VPREB1: variants seen among roughly 807,000 people sequenced by gnomAD.
VPREB1 encodes V-set pre-B cell surrogate light chain 1, also known as immunoglobulin iota chain.
In VPREB1, 17 loss-of-function variants were observed where a neutral mutation model predicts 13.6. The observed-to-expected ratio is 1.25, with a 90% CI of 0.86 to 1.88. The LOEUF (loss-of-function observed/expected upper bound fraction) is 1.88, where lower values mean the gene tolerates loss of function less well. Among genes scored for constraint, VPREB1 ranks in the 40% most tolerant of loss-of-function variants. VPREB1 has a pLI of 0.00. For missense variants in VPREB1, 183 were observed against 190.1 expected (o/e 0.96, Z 0.22); for synonymous variants, 86 against 73.9 (o/e 1.16, Z -0.84).
Position 22,244,804 on chromosome 22 carries a change from T to TGC in VPREB1, c.-9_-8insCG, listed in dbSNP as rs2088093923. On this transcript the variant is annotated 5_prime_UTR_variant, in exon 1 of 2. Transcript: ENST00000403807. ...TGGCCACAGGAGTCAGAGCTCTGCA[T>TGC]GTCTGCACCATGTCCTGGGCTCCTG... 1 of 1,613,744 alleles carries TGC rather than the reference T, an allele frequency of 6.2e-7. No individual in the cohort carries two copies. The highest frequency in any genetic ancestry group is 2.2e-5 in the East Asian group (1 of 44,846).
chr22:22,245,512 C>T lies in VPREB1; in HGVS notation c.*175C>T. On this transcript the variant is annotated 3_prime_UTR_variant, in exon 2 of 2. Coordinates refer to ENST00000403807, the MANE Select transcript of VPREB1 (RefSeq NM_007128.4). ...AATTAAAGCTGCTTGTCACTTTTTG[C>T]TGAGTTTGGTCTGACTGTTGTGCGA... is the stretch of plus-strand genomic sequence containing the variant. 1 of 816,416 alleles carries T rather than the reference C, an allele frequency of 1.2e-6. No individual in the cohort carries two copies. Among genetic ancestry groups the T allele is most frequent in the Non-Finnish European group, 1.7e-6 (1 of 584,096 alleles). 50.6% of individuals were successfully genotyped at this position (816,416 alleles called of 1,614,324 possible).
Position 22,245,383 on chromosome 22 carries a change from G to C in VPREB1, c.*46G>C, listed in dbSNP as rs925329158. ...GCATCCCCTTGGAGAGACTGTCATGGAAGAGGGTGGAGTCGCCGCCCGAAG... is the reference window on the plus strand; with the variant it reads ...GCATCCCCTTGGAGAGACTGTCATGCAAGAGGGTGGAGTCGCCGCCCGAAG... On this transcript the variant is annotated 3_prime_UTR_variant, in exon 2 of 2. Transcript: ENST00000403807. 8.5e-5 allele frequency: 122 copies of C among 1,428,492 alleles called. No homozygotes were observed. The highest frequency in any genetic ancestry group is 1.0e-4 in the Non-Finnish European group (115 of 1,095,556). The allele number at this position is 1,428,492 out of a possible 1,614,324, so 88.5% of individuals were successfully genotyped here.
Position 22,245,155 on chromosome 22 carries a change from C to G in VPREB1, c.256C>G (p.Arg86Gly). 6.2e-7 allele frequency: 1 copy of G among 1,605,704 alleles called. No homozygotes were observed. Among genetic ancestry groups the G allele is most frequent in the Non-Finnish European group, 8.5e-7 (1 of 1,175,790 alleles). The part of the protein sequence containing the change: ...DKSQGPQVPP[R>G]FSGSKDVARN... The stretch of plus-strand genomic sequence containing the variant: ...GAGCCAGGGCCCCCAGGTCCCCCCT[C>G]GCTTCTCTGGATCCAAAGATGTGGC... Residue 86 changes from arginine (R) to glycine (G), a missense_variant, in exon 2 of 2, where the codon CGC (arginine) becomes GGC (glycine). By Grantham distance (125) the Arg-to-Gly change is moderately radical. Coordinates refer to ENST00000403807, the MANE Select transcript of VPREB1 (RefSeq NM_007128.4).
Position 22,245,440 on chromosome 22 carries a change from T to C in VPREB1, c.*103T>C, listed in dbSNP as rs2088115821. On this transcript the variant is annotated 3_prime_UTR_variant, in exon 2 of 2. Transcript: ENST00000403807. ...GGAGGCTGAGCCACTCAGCATCTCC[T>C]GGTCCTGCAGTGTTGCTGTAAATCC... The C allele has an allele frequency of 7.7e-7, 1 of 1,303,830 alleles. No homozygotes were observed. Among genetic ancestry groups the C allele is most frequent in the African/African-American group, 1.5e-5 (1 of 66,894 alleles). The allele number at this position is 1,303,830 out of a possible 1,614,324, so 80.8% of individuals were successfully genotyped here.
chr22:22,245,309 CCACTGCAGCCAGGA>C lies in VPREB1; in HGVS notation c.414_427del (p.Ala139CysfsTer5). The stretch of plus-strand genomic sequence containing the variant: ...AGGGAGTGGGAGGAAGAAATGGAAC[CCACTGCAGCCAGGA>C]CACGTGTCCCTTGAACTGAAGACAG... On this transcript the variant is annotated frameshift_variant, in exon 2 of 2. Transcript: ENST00000403807. LOFTEE classifies it high-confidence loss of function. 6.6e-7 allele frequency: 1 copy of C among 1,509,238 alleles called. No individual in the cohort carries two copies. The highest frequency in any genetic ancestry group is 8.8e-7 in the Non-Finnish European group (1 of 1,137,794). 93.5% of individuals were successfully genotyped at this position (1,509,238 alleles called of 1,614,324 possible). A position where few individuals can be genotyped will look rare whatever the true frequency, so the allele number is the denominator to read the frequency against.
In VPREB1 at chr22:22,245,228, A is replaced by G; in HGVS notation, c.329A>G (p.Glu110Gly). The change falls in exon 2 of 2, where the codon GAG becomes GGG. Residue 110 changes from glutamate to glycine, a missense_variant. Glu to Gly is a moderately conservative substitution (Grantham distance 98). Transcript: ENST00000403807. ...LSISELQPED[E>G]AMYYCAMGAR... The stretch of plus-strand genomic sequence containing the variant: ...ATCTCTGAGCTGCAGCCTGAGGACG[A>G]GGCTATGTATTACTGTGCTATGGGG... 1 of 1,568,786 alleles carries G rather than the reference A, an allele frequency of 6.4e-7. No individual in the cohort carries two copies. Among genetic ancestry groups the G allele is most frequent in the Non-Finnish European group, 8.6e-7 (1 of 1,158,462 alleles).
In VPREB1 at chr22:22,245,307, A is replaced by G; in HGVS notation, c.408A>G (p.Glu136=). 1 of 1,519,132 alleles carries G rather than the reference A, an allele frequency of 6.6e-7. No individual in the cohort carries two copies. The highest frequency in any genetic ancestry group is 8.8e-7 in the Non-Finnish European group (1 of 1,141,586). 94.1% of individuals were successfully genotyped at this position (1,519,132 alleles called of 1,614,324 possible). A position where few individuals can be genotyped will look rare whatever the true frequency, so the allele number is the denominator to read the frequency against. ...EREREWEEEM[E]PTAARTRVP ...AGAGGGAGTGGGAGGAAGAAATGGA[A>G]CCCACTGCAGCCAGGACACGTGTCC... Residue 136 remains glutamate (E), a synonymous_variant, in exon 2 of 2, where the codon GAA becomes GAG. Coordinates refer to ENST00000403807, the MANE Select transcript of VPREB1 (RefSeq NM_007128.4).
In VPREB1 at chr22:22,245,098, T is replaced by C. The variant is rs1226793457; in HGVS notation, c.199T>C (p.Phe67Leu). The C allele has an allele frequency of 6.2e-7, 1 of 1,613,770 alleles. No homozygotes were observed. The highest frequency in any genetic ancestry group is 1.7e-5 in the Admixed American group (1 of 59,962). ...GCAGAGGCCGGGCCACCCTCCCAGG[T>C]TCCTGCTGAGATATTTCTCACAATC... Reference protein sequence around the residue: ...YQQRPGHPPRFLLRYFSQSDK... With the variant: ...YQQRPGHPPRLLLRYFSQSDK... Residue 67 changes from phenylalanine to leucine, a missense_variant, in exon 2 of 2, where the codon TTC (phenylalanine) becomes CTC (leucine). Physicochemically the swap from Phe to Leu is conservative, Grantham distance 22. Transcript: ENST00000403807.
rs1472168002 is a variant in VPREB1, at chr22:22,245,379, C to T, written c.*42C>T. 2.0e-5 allele frequency: 29 copies of T among 1,429,524 alleles called. No homozygotes were observed. Among genetic ancestry groups the T allele is most frequent in the Middle Eastern group, 3.6e-4 (2 of 5,510 alleles). 88.6% of individuals were successfully genotyped at this position (1,429,524 alleles called of 1,614,324 possible). On this transcript the variant is annotated 3_prime_UTR_variant, in exon 2 of 2. Transcript: ENST00000403807. The stretch of plus-strand genomic sequence containing the variant: ...GCACGCATCCCCTTGGAGAGACTGT[C>T]ATGGAAGAGGGTGGAGTCGCCGCCC...
rs11089977 is a variant in VPREB1 at position 22,244,803 on chromosome 22, A to G, written c.-11A>G. ...GTGGCCACAGGAGTCAGAGCTCTGC[A>G]TGTCTGCACCATGTCCTGGGCTCCT... On this transcript the variant is annotated 5_prime_UTR_variant, in exon 1 of 2. It removes an upstream start codon present in the reference 5' UTR. Transcript: ENST00000403807. 58,389 of 1,613,762 alleles carry G rather than the reference A, an allele frequency of 0.036. 3,376 individuals carry two copies. The highest frequency in any genetic ancestry group is 0.2 in the African/African-American group (15,230 of 74,856).
At position 22,244,859 on chromosome 22, in the gene VPREB1, G is replaced by A; in HGVS notation, c.46G>A (p.Gly16Ser). ...GCTCATGCTGTTTGTCTACTGCACA[G>A]GTGAGGGAACCCCCAGATCCCAAAG... ...VLLMLFVYCTGCGPQPVLHQP... is the reference protein window; with the variant it reads ...VLLMLFVYCTSCGPQPVLHQP... The change falls in exon 1 of 2, where the codon GGT becomes AGT. Residue 16 changes from glycine (G) to serine (S), a missense_variant and splice_region_variant. Transcript: ENST00000403807. The A allele has an allele frequency of 6.2e-7, 1 of 1,613,944 alleles. No homozygotes were observed. The highest frequency in any genetic ancestry group is 8.5e-7 in the Non-Finnish European group (1 of 1,179,886).
At position 22,245,362 on chromosome 22, in the gene VPREB1, C is replaced by A. The variant is rs954094246; in HGVS notation, c.*25C>A. On this transcript the variant is annotated 3_prime_UTR_variant, in exon 2 of 2. Transcript: ENST00000403807. ...AACTGAAGACAGCAGAGGCACGCAT[C>A]CCCTTGGAGAGACTGTCATGGAAGA... is the stretch of plus-strand genomic sequence containing the variant. 2 of 1,436,364 alleles carry A rather than the reference C, an allele frequency of 1.4e-6. No individual in the cohort carries two copies. Among genetic ancestry groups the A allele is most frequent in the Non-Finnish European group, 1.8e-6 (2 of 1,098,808 alleles). 89.0% of individuals were successfully genotyped at this position (1,436,364 alleles called of 1,614,324 possible).
chr22:22,245,358 G>T lies in VPREB1; in HGVS notation c.*21G>T. On this transcript the variant is annotated 3_prime_UTR_variant, in exon 2 of 2. Coordinates refer to ENST00000403807, the MANE Select transcript of VPREB1 (RefSeq NM_007128.4). ...CTTGAACTGAAGACAGCAGAGGCAC[G>T]CATCCCCTTGGAGAGACTGTCATGG... 6.9e-7 allele frequency: 1 copy of T among 1,446,086 alleles called. No individual in the cohort carries two copies. Among genetic ancestry groups the T allele is most frequent in the Non-Finnish European group, 9.0e-7 (1 of 1,105,190 alleles). The allele number at this position is 1,446,086 out of a possible 1,614,324, so 89.6% of individuals were successfully genotyped here.
Position 22,244,810 on chromosome 22 carries a change from C to T in VPREB1, c.-4C>T. On this transcript the variant is annotated 5_prime_UTR_variant, in exon 1 of 2. Transcript: ENST00000403807. ...CAGGAGTCAGAGCTCTGCATGTCTG[C>T]ACCATGTCCTGGGCTCCTGTCCTGC... is the stretch of plus-strand genomic sequence containing the variant. 1 of 1,614,102 alleles carries T rather than the reference C, an allele frequency of 6.2e-7. No homozygotes were observed. The highest frequency in any genetic ancestry group is 8.5e-7 in the Non-Finnish European group (1 of 1,180,010).
rs368051468 is a variant in VPREB1, at chr22:22,244,896, T to C, written c.46+37T>C. Reference sequence around the variant, plus strand: ...CCCAGATCCCAAAGACTCCTGCCCCTTCCTTCATCCTGCCCTGCCCCCACG... The same window carrying C: ...CCCAGATCCCAAAGACTCCTGCCCCCTCCTTCATCCTGCCCTGCCCCCACG... On this transcript the variant is annotated intron_variant, in intron 1 of 1. Coordinates refer to ENST00000403807, the MANE Select transcript of VPREB1 (RefSeq NM_007128.4). 5 of 1,613,984 alleles carry C rather than the reference T, an allele frequency of 3.1e-6. No individual in the cohort carries two copies. In the African/African-American group the frequency reaches 5.3e-5, roughly 17 times the overall value.
intron 1 of VPREB1, 33 bp downstream of exon 1, chr22:22,244,892 C>T: frequency 1.2e-6 from 2 of 1,614,134 alleles, no homozygotes; most frequent in South Asian, 1.1e-5. Context: ...AAGACTCCTG[C>T]CCCTTCCTTC....
Position 22,245,097 on chromosome 22 carries a change from G to T in VPREB1, c.198G>T (p.Arg66Ser), listed in dbSNP as rs2088104830. ...AGCAGAGGCCGGGCCACCCTCCCAG[G>T]TTCCTGCTGAGATATTTCTCACAAT... is the stretch of plus-strand genomic sequence containing the variant. ...WYQQRPGHPP[R>S]FLLRYFSQSD... is the part of the protein sequence containing the mutation. The change falls in exon 2 of 2, where the codon AGG (arginine) becomes AGT (serine). Residue 66 changes from arginine (R) to serine (S), a missense_variant. Arg to Ser is a moderately radical substitution (Grantham distance 110). Transcript: ENST00000403807. The T allele has an allele frequency of 1.2e-6, 2 of 1,613,848 alleles. No homozygotes were observed. Among genetic ancestry groups the T allele is most frequent in the South Asian group, 1.1e-5 (1 of 91,070 alleles).
In VPREB1 at chr22:22,244,995, C is replaced by T; in HGVS notation, c.96C>T (p.Ala32=). Residue 32 remains alanine, a synonymous_variant, in exon 2 of 2, where the codon GCC becomes GCT. Coordinates refer to ENST00000403807, the MANE Select transcript of VPREB1 (RefSeq NM_007128.4). The part of the protein sequence containing the change: ...VLHQPPAMSS[A]LGTTIRLTCT... ...ATCAGCCGCCGGCCATGTCCTCGGC[C>T]CTTGGAACCACAATCCGCCTCACCT... The T allele has an allele frequency of 6.2e-7, 1 of 1,614,146 alleles. No homozygotes were observed.
intron 1 of VPREB1, 26 bp from the exon 2 acceptor site, chr22:22,244,920 C>A: frequency 1.2e-6 from 2 of 1,614,062 alleles, no homozygotes; most frequent in Admixed American, 1.7e-5. Context: ...CCTGCCCCCA[C>A]GGCCCACATG....
Sources: allele counts gnomAD v4.1 joint callset, GRCh38; gene constraint gnomAD v4.1.1; transcripts MANE v1.5; gene names NCBI Gene and HGNC (gene_info 2026-07-23, HGNC 2026-07-21).